The following CENPO variants were observed in gnomAD, a reference collection of about 807,000 sequenced individuals.
CENPO encodes centromeric protein O.
A neutral mutation model predicts 36.1 loss-of-function variants in CENPO; 30 were observed. The observed-to-expected ratio is 0.83, with a 90% CI of 0.62 to 1.13. The LOEUF (loss-of-function observed/expected upper bound fraction) is 1.13. Ranked by LOEUF, CENPO falls within the 50% of genes most tolerant of loss-of-function variation. CENPO has a pLI of 0.00. For synonymous variants in CENPO, 171 were observed against 142.3 expected (o/e 1.20, Z -1.44); for missense variants, 349 against 357.8 (o/e 0.98, Z 0.20).
intron 5 of CENPO, 149 bp from the exon 6 acceptor site, chr2:24,816,497 C>CT: frequency 1.5e-6 from 1 of 647,930 alleles, no homozygotes. Flanking sequence ...TTCATTAGTC[C>CT]TTTTTTCAGA....
In CENPO at chr2:24,801,280, C is replaced by G. The variant is rs540836946; in HGVS notation, c.216+1436C>G. Among the ~76,000 whole-genome samples the G allele has an allele frequency of 1.2e-3, 183 of 152,282 alleles. 2 individuals are homozygous for G. Among genetic ancestry groups the G allele is most frequent in the Admixed American group, 0.011 (169 of 15,294 alleles). On this transcript the variant is annotated intron_variant, in intron 3 of 7. Coordinates refer to ENST00000380834, the MANE Select transcript of CENPO (RefSeq NM_001322101.2). ...AATTTTCTCCCATTCTGTAGGTTGC[C>G]TGTTCACTCTGATGGTAGTTTCTTT... is the stretch of plus-strand genomic sequence containing the variant.
intron 3 of CENPO, among the ~76,000 whole-genome samples, chr2:24,804,032 A>G (rs2148265213): frequency 6.6e-6 from 1 of 152,270 alleles, no homozygotes; most frequent in South Asian, 2.1e-4. Flanking sequence ...GTGCATATAT[A>G]TTTAGGATAG....
chr2:24,814,267 GATGTATT>G lies in CENPO; in HGVS notation c.217-106_217-100del. 7.1e-6 allele frequency: 5 copies of G among 706,290 alleles called. No homozygotes were observed. The South Asian group carries it at 8.0e-5, about 11-fold the overall frequency. The allele number at this position is 706,290 out of a possible 1,614,324, so 43.8% of individuals were successfully genotyped here. On this transcript the variant is annotated intron_variant, in intron 3 of 7. Transcript: ENST00000380834. ...CTGACCGGCCACTGTAGCATTTCTT[GATGTATT>G]ATATCATGTGCCTTGTATTTAGCTT...
chr2:24,817,445 A>G (rs939962845), intron 6 of CENPO, among the ~76,000 whole-genome samples: 1 of 135,424 alleles, frequency 7.4e-6, no homozygotes, highest in Non-Finnish European at 1.6e-5. Flanking sequence ...TGGTCCAGTA[A>G]GGGGCAGCCT....
intron 4 of CENPO, 23 bp downstream of exon 4, chr2:24,814,516 A>C (rs774663324): frequency 8.8e-7 from 1 of 1,133,088 alleles, no homozygotes; most frequent in Admixed American, 1.7e-5. Flanking sequence ...TTTTTAACCT[A>C]ATTTAGTCTG....
chr2:24,803,347 T>C (rs1666241272), intron 3 of CENPO, among the ~76,000 whole-genome samples: 1 of 152,170 alleles, frequency 6.6e-6, no homozygotes, highest in Non-Finnish European at 1.5e-5. Context: ...GCTCTGATCT[T>C]AGTTATTTCT....
chr2:24,812,895 G>T, intron 3 of CENPO, among the ~76,000 whole-genome samples: 1 of 134,870 alleles, frequency 7.4e-6, no homozygotes. Context: ...TTCCTGGTAT[G>T]CCTGTAGTTT....
Position 24,821,974 on chromosome 2 carries a change from T to TA in CENPO, c.*2658dup, listed in dbSNP as rs1667798427. ...TTGTTTGGATCCCTCAACTAGGTGATAAGCACTGGAGGGGGATGACCCGCC... is the reference window on the plus strand; with the variant it reads ...TTGTTTGGATCCCTCAACTAGGTGATAAAGCACTGGAGGGGGATGACCCGCC... On this transcript the variant is annotated 3_prime_UTR_variant, in exon 8 of 8. Transcript: ENST00000380834. 4 of 283,960 alleles carry TA rather than the reference T, an allele frequency of 1.4e-5. No individual in the cohort carries two copies. The South Asian group carries it at 1.6e-4, about 11-fold the overall frequency. The allele number at this position is 283,960 out of a possible 1,614,324, so 17.6% of individuals were successfully genotyped here. A position where few individuals can be genotyped will look rare whatever the true frequency, so the allele number is the denominator to read the frequency against.
chr2:24,793,496 G>T lies in CENPO; in HGVS notation c.-74G>T, dbSNP rs1238225189. 4 of 1,598,858 alleles carry T rather than the reference G, an allele frequency of 2.5e-6. No homozygotes were observed. Among genetic ancestry groups the T allele is most frequent in the Non-Finnish European group, 3.4e-6 (4 of 1,172,330 alleles). On this transcript the variant is annotated 5_prime_UTR_variant, in exon 1 of 8. Coordinates refer to ENST00000380834, the MANE Select transcript of CENPO (RefSeq NM_001322101.2). ...TGGATGGCGGGAATTCTCGCTTCTG[G>T]CCTGGGTGAGCTAGAAGGGAGAAGG...
At chr2:24,809,360 A>T (rs1194641656) in intron 3 of CENPO, among the ~76,000 whole-genome samples, 2 of 151,482 alleles carry the variant, frequency 1.3e-5, no homozygotes, top group East Asian at 3.9e-4. Flanking sequence ...GCTCATTATT[A>T]TTTTCTTCCA....
chr2:24,808,004 T>G (rs1666495485), intron 3 of CENPO, among the ~76,000 whole-genome samples: 1 of 152,246 alleles, frequency 6.6e-6, no homozygotes, highest in African/African-American at 2.4e-5. Flanking sequence ...CTTTACATAT[T>G]TTGAGTGAGT....
In CENPO at chr2:24,820,338, T is replaced by A. The variant is rs1667408071; in HGVS notation, c.*1020T>A. On this transcript the variant is annotated 3_prime_UTR_variant, in exon 8 of 8. Transcript: ENST00000380834. ...TGGGGGCCTCCTCTCATCCAGAGAC[T>A]TCTCTCCTAGGATGGCCATGGTCAC... The A allele has an allele frequency of 7.5e-7, 1 of 1,330,684 alleles. No individual in the cohort carries two copies. Among genetic ancestry groups the A allele is most frequent in the Non-Finnish European group, 9.6e-7 (1 of 1,044,928 alleles). The allele number at this position is 1,330,684 out of a possible 1,614,324, so 82.4% of individuals were successfully genotyped here.
Position 24,820,442 on chromosome 2 carries a change from C to T in CENPO, c.*1124C>T. On this transcript the variant is annotated 3_prime_UTR_variant, in exon 8 of 8. Transcript: ENST00000380834. The stretch of plus-strand genomic sequence containing the variant: ...TTGCCCCTTTCGTGGAGCTTTTCTG[C>T]CAGACGCCACTGAGACAGATCACAA... The T allele has an allele frequency of 7.6e-7, 1 of 1,317,632 alleles. No homozygotes were observed. The highest frequency in any genetic ancestry group is 9.7e-7 in the Non-Finnish European group (1 of 1,035,990). 81.6% of individuals were successfully genotyped at this position (1,317,632 alleles called of 1,614,324 possible).
chr2:24,813,646 A>T (rs79000427), intron 3 of CENPO, among the ~76,000 whole-genome samples: 1 of 152,140 alleles, frequency 6.6e-6, no homozygotes, highest in Non-Finnish European at 1.5e-5. Context: ...TCCTGTTTCT[A>T]TGGAATCTTG....
At chr2:24,816,515 C>T (rs1481154129) in intron 5 of CENPO, 131 bp from the exon 6 acceptor site, 1 of 670,028 alleles carries the variant, frequency 1.5e-6, no homozygotes, top group Non-Finnish European at 2.5e-6. Context: ...AGACCTTTTT[C>T]TGTCCCTCAT....
rs1366228803 is a variant in CENPO at position 24,799,703 on chromosome 2, G to C, written c.75G>C (p.Glu25Asp). Residue 25 changes from glutamate to aspartate, a missense_variant, in exon 3 of 8, where the codon GAG becomes GAC. Physicochemically the swap from Glu to Asp is conservative, Grantham distance 45. Coordinates refer to ENST00000380834, the MANE Select transcript of CENPO (RefSeq NM_001322101.2). The stretch of plus-strand genomic sequence containing the variant: ...TTTTAGCTCACTTGGAAAGGCTAGA[G>C]ACCCAAGTGAGCAGATCCCGTAAAC... ...GGVLAHLERL[E>D]TQVSRSRKQS... The C allele has an allele frequency of 1.2e-6, 2 of 1,613,896 alleles. No homozygotes were observed. The highest frequency in any genetic ancestry group is 1.7e-6 in the Non-Finnish European group (2 of 1,179,952).
At chr2:24,795,831 C>T (rs542666897) in intron 2 of CENPO, among the ~76,000 whole-genome samples, 2 of 152,304 alleles carry the variant, frequency 1.3e-5, no homozygotes, top group South Asian at 2.1e-4. Flanking sequence ...TGAATAACTT[C>T]CAGCACGGTC....
At chr2:24,808,520 C>T (rs1006998372) in intron 3 of CENPO, among the ~76,000 whole-genome samples, 1 of 152,074 alleles carries the variant, frequency 6.6e-6, no homozygotes, top group East Asian at 1.9e-4. Context: ...AAAGAGCCAC[C>T]TGGCTCTTTT....
intron 5 of CENPO, 156 bp from the exon 6 acceptor site, chr2:24,816,490 A>G: frequency 3.2e-6 from 2 of 631,554 alleles, no homozygotes; most frequent in Non-Finnish European, 5.4e-6. Context: ...CATCTTTTTC[A>G]TTAGTCCTTT....
Sources: allele counts gnomAD v4.1 joint callset (sites outside exome capture counted in the v4.1 genomes callset), GRCh38; gene constraint gnomAD v4.1.1; transcripts MANE v1.5; gene names NCBI Gene and HGNC (gene_info 2026-07-23, HGNC 2026-07-21).